The following KIFAP3 variants were observed in gnomAD, a reference collection of about 807,000 sequenced individuals.
KIFAP3 encodes kinesin associated protein 3, also known as kinesin-associated protein 3.
A neutral mutation model predicts 106.5 loss-of-function variants in KIFAP3; 68 were observed. The ratio of observed to expected loss-of-function variants is 0.64; its 90% CI spans 0.53 to 0.78. KIFAP3 has a LOEUF of 0.78. Among genes scored for constraint, KIFAP3 ranks in the 30% least tolerant of loss-of-function variants. The pLI is 0.00. For missense variants in KIFAP3, 780 were observed against 941.8 expected (o/e 0.83, Z 2.25); for synonymous variants, 320 against 311.5 (o/e 1.03, Z -0.29).
chr1:169,938,108 T>C (rs555926986), intron 19 of KIFAP3, among the ~76,000 whole-genome samples: 1 of 151,982 alleles, frequency 6.6e-6, no homozygotes, highest in Non-Finnish European at 1.5e-5. Flanking sequence ...ACTTGTAATA[T>C]TGGGACATTA....
chr1:169,965,213 A>G (rs575800575), intron 17 of KIFAP3, among the ~76,000 whole-genome samples: 1 of 152,262 alleles, frequency 6.6e-6, no homozygotes, highest in South Asian at 2.1e-4. Flanking sequence ...AATAGTAAGT[A>G]GCTTGTTTCA....
chr1:170,048,817 C>G (rs1013930422), intron 2 of KIFAP3, among the ~76,000 whole-genome samples: 1 of 152,098 alleles, frequency 6.6e-6, no homozygotes. Context: ...GCTTTTCCCA[C>G]AGTTTTTGCA....
chr1:170,060,031 C>T (rs1267550841), intron 1 of KIFAP3, among the ~76,000 whole-genome samples: 1 of 152,088 alleles, frequency 6.6e-6, no homozygotes, highest in African/African-American at 2.4e-5. Context: ...ATAGTCAGAG[C>T]TATTTATGAC....
intron 1 of KIFAP3, among the ~76,000 whole-genome samples, chr1:170,065,458 C>A (rs1402347172): frequency 1.3e-5 from 2 of 151,322 alleles, no homozygotes; most frequent in Non-Finnish European, 2.9e-5. Flanking sequence ...CTAAAAAATA[C>A]AAAAAATTAG....
At chr1:169,986,499 T>C (rs1666836201) in intron 11 of KIFAP3, among the ~76,000 whole-genome samples, 1 of 151,922 alleles carries the variant, frequency 6.6e-6, no homozygotes, top group African/African-American at 2.4e-5. Context: ...GTAAGAATCA[T>C]TAATACTTAA....
chr1:170,057,939 CA>C (rs1344679050), intron 1 of KIFAP3, among the ~76,000 whole-genome samples: 1 of 152,070 alleles, frequency 6.6e-6, no homozygotes, highest in African/African-American at 2.4e-5. Flanking sequence ...AAACTAGAAC[CA>C]AAAGTGTGCT....
chr1:169,991,033 A>T (rs936072159), intron 11 of KIFAP3, among the ~76,000 whole-genome samples: 1 of 152,160 alleles, frequency 6.6e-6, no homozygotes, highest in African/African-American at 2.4e-5. Context: ...AAAAATATTA[A>T]CAAATCAGTT....
Position 170,039,277 on chromosome 1 carries a change from TTTC to T in KIFAP3, c.328_330del (p.Glu110del). 6.3e-7 allele frequency: 1 copy of T among 1,596,930 alleles called. No homozygotes were observed. The highest frequency in any genetic ancestry group is 2.2e-5 in the East Asian group (1 of 44,712). On this transcript the variant is annotated inframe_deletion, in exon 4 of 20. Transcript: ENST00000361580. ...GGTGGATCTTTAGGCTTGCTTGATT[TTTC>T]TTTTTTCTCTGTAAAAAGATTTTTT...
At chr1:170,073,822 T>C (rs891893510) in intron 1 of KIFAP3, among the ~76,000 whole-genome samples, 9 of 152,180 alleles carry the variant, frequency 5.9e-5, no homozygotes, top group Non-Finnish European at 2.9e-5. Flanking sequence ...TTATGGCCTA[T>C]TTTATTGTCA....
upstream of KIFAP3, chr1:170,074,796 G>A: frequency 2.5e-6 from 3 of 1,188,560 alleles, no homozygotes; most frequent in Non-Finnish European, 3.2e-6. Context: ...GGGGAGCCGA[G>A]CAGGGAAGTT....
At position 169,946,123 on chromosome 1, in the gene KIFAP3, A is replaced by C. The variant is rs1296717192; in HGVS notation, c.2273+7888T>G. Among the ~76,000 whole-genome samples the C allele has an allele frequency of 8.5e-5, 13 of 152,228 alleles. No homozygotes were observed. In the East Asian group the frequency reaches 2.5e-3, roughly 29 times the overall value. On this transcript the variant is annotated intron_variant, in intron 19 of 19. Coordinates refer to ENST00000361580, the MANE Select transcript of KIFAP3 (RefSeq NM_014970.4). ...ATTTTGCATTTTAAAACAATGCAAA[A>C]ATTTAAACTGGTTAATTAGCTGAAT...
chr1:170,032,689 A>G (rs1669477317), intron 7 of KIFAP3, among the ~76,000 whole-genome samples: 1 of 151,730 alleles, frequency 6.6e-6, no homozygotes. Context: ...AATTTAGGAC[A>G]TAATAAAATA....
chr1:170,031,876 G>T lies in KIFAP3; in HGVS notation c.841+10C>A. On this transcript the variant is annotated intron_variant, in intron 8 of 19. Coordinates refer to ENST00000361580, the MANE Select transcript of KIFAP3 (RefSeq NM_014970.4). ...CTTTGTTGCTTTCCTCATTGCTTAG[G>T]AATTCATACCTCGTAATAGCTGTTC... 1 of 1,559,236 alleles carries T rather than the reference G, an allele frequency of 6.4e-7. No individual in the cohort carries two copies. The highest frequency in any genetic ancestry group is 8.8e-7 in the Non-Finnish European group (1 of 1,132,176).
intron 18 of KIFAP3, among the ~76,000 whole-genome samples, chr1:169,959,309 C>T (rs1189194267): frequency 6.6e-6 from 1 of 152,064 alleles, no homozygotes; most frequent in Non-Finnish European, 1.5e-5. Context: ...AGTCCATGGA[C>T]TATCCATGGA....
At chr1:169,958,752 A>G (rs767939225) in intron 18 of KIFAP3, among the ~76,000 whole-genome samples, 1 of 152,232 alleles carries the variant, frequency 6.6e-6, no homozygotes, top group Non-Finnish European at 1.5e-5. Flanking sequence ...ATACGGCTTT[A>G]TAAATGACAA....
intron 10 of KIFAP3, among the ~76,000 whole-genome samples, chr1:170,003,681 C>T (rs997461255): frequency 1.3e-5 from 2 of 152,216 alleles, no homozygotes; most frequent in African/African-American, 4.8e-5. Flanking sequence ...TGGTGGGCTC[C>T]ACCCAGTTCG....
In KIFAP3 at chr1:169,948,132, G is replaced by A. The variant is rs542545219; in HGVS notation, c.2273+5879C>T. On this transcript the variant is annotated intron_variant, in intron 19 of 19. Transcript: ENST00000361580. Reference sequence around the variant, plus strand: ...TAGAAATAAAGTTATAGAGTAAAAGGAAGTAAACAATCTAAGGCTCTTGTT... The same window carrying A: ...TAGAAATAAAGTTATAGAGTAAAAGAAAGTAAACAATCTAAGGCTCTTGTT... Among the ~76,000 whole-genome samples, 10 of 151,738 alleles carry A rather than the reference G, an allele frequency of 6.6e-5. No homozygotes were observed. In the South Asian group the frequency reaches 2.1e-3, roughly 31 times the overall value.
chr1:169,983,493 T>C (rs1413612200), intron 12 of KIFAP3, 111 bp from the exon 13 acceptor site: 6 of 683,748 alleles, frequency 8.8e-6, no homozygotes, highest in East Asian at 2.8e-5. Context: ...TGCATAACTC[T>C]TAAGGGTACA....
At chr1:169,970,911 G>C (rs1425881010) in intron 17 of KIFAP3, among the ~76,000 whole-genome samples, 1 of 151,992 alleles carries the variant, frequency 6.6e-6, no homozygotes, top group African/African-American at 2.4e-5. Context: ...TTTGGATCTA[G>C]AAAGAAGGAG....
Sources: allele counts gnomAD v4.1 joint callset (sites outside exome capture counted in the v4.1 genomes callset), GRCh38; gene constraint gnomAD v4.1.1; transcripts MANE v1.5; gene names NCBI Gene and HGNC (gene_info 2026-07-23, HGNC 2026-07-21).